EFCAB5: variants seen among roughly 807,000 people sequenced by gnomAD.
The protein encoded by EFCAB5 is EF-hand calcium-binding domain-containing protein 5.
EFCAB5 carries 131 observed loss-of-function variants against 167.9 expected under a neutral mutation model. That is an observed-to-expected ratio of 0.78 (90% confidence interval 0.68 to 0.90). EFCAB5 has a LOEUF of 0.90. EFCAB5 is among the 40% of genes least tolerant of loss of function. EFCAB5 has a pLI of 0.00. For missense variants in EFCAB5, 1,663 were observed against 1,745.2 expected (o/e 0.95, Z 0.84); for synonymous variants, 574 against 602.8 (o/e 0.95, Z 0.70).
chr17:29,939,714 C>A (rs574545829), upstream of EFCAB5, among the ~76,000 whole-genome samples: 1 of 152,316 alleles, frequency 6.6e-6, no homozygotes, highest in Admixed American at 6.5e-5. Flanking sequence ...TTTTCCTCTG[C>A]AGCTTTCTCA....
chr17:30,020,370 CT>C (rs1388454322), intron 7 of EFCAB5, among the ~76,000 whole-genome samples: 33 of 111,538 alleles, frequency 3.0e-4, no homozygotes, highest in Middle Eastern at 9.8e-3. Context: ...TTTTTTTTTT[CT>C]TTTTTTTTTT....
At chr17:29,934,966 A>C (rs1284759188) in intron 1 of EFCAB5, among the ~76,000 whole-genome samples, 1 of 152,138 alleles carries the variant, frequency 6.6e-6, no homozygotes, top group East Asian at 1.9e-4. Context: ...GAAGTATTTC[A>C]CTTAAAAGAT....
intron 8 of EFCAB5, among the ~76,000 whole-genome samples, chr17:30,042,809 A>G (rs1340870066): frequency 6.6e-6 from 1 of 152,190 alleles, no homozygotes; most frequent in Non-Finnish European, 1.5e-5. Context: ...CATTATTTTG[A>G]TATTAAATCC....
At chr17:29,992,887 A>G (rs887735057) in intron 4 of EFCAB5, among the ~76,000 whole-genome samples, 2 of 152,200 alleles carry the variant, frequency 1.3e-5, no homozygotes, top group Non-Finnish European at 2.9e-5. Flanking sequence ...CAATGGTTGT[A>G]CTAATTCACA....
At chr17:29,938,482 G>T (rs1215895134), upstream of EFCAB5, among the ~76,000 whole-genome samples, 1 of 152,120 alleles carries the variant, frequency 6.6e-6, no homozygotes, top group Non-Finnish European at 1.5e-5. Flanking sequence ...CACATTGATT[G>T]ACTCTTCCTG....
rs931998324 is a variant in EFCAB5, at chr17:29,943,639, C to A, written c.180C>A (p.Ile60=). The change falls in exon 3 of 23, where the codon ATC becomes ATA. Residue 60 remains isoleucine, a synonymous_variant. Coordinates refer to ENST00000394835, the MANE Select transcript of EFCAB5 (RefSeq NM_198529.4). Reference sequence around the variant, plus strand: ...TGGTGGAGAAAGCAATGGATGAAATCAAATCCCAAGGTAGAGAACTAGCCT... The same window carrying A: ...TGGTGGAGAAAGCAATGGATGAAATAAAATCCCAAGGTAGAGAACTAGCCT... ...NSVVEKAMDE[I]KSQELNLEGQ... is the part of the protein sequence containing the mutation. 2 of 1,575,448 alleles carry A rather than the reference C, an allele frequency of 1.3e-6. No homozygotes were observed. The highest frequency in any genetic ancestry group is 1.8e-5 in the Admixed American group (1 of 54,278).
At chr17:29,962,631 G>A (rs2067743157) in intron 3 of EFCAB5, among the ~76,000 whole-genome samples, 1 of 105,120 alleles carries the variant, frequency 9.5e-6, no homozygotes, top group African/African-American at 3.6e-5. Context: ...ACCATGCCTG[G>A]CTTTTTTTTT....
At chr17:29,967,413 C>A (rs1011885087) in intron 3 of EFCAB5, among the ~76,000 whole-genome samples, 1 of 152,144 alleles carries the variant, frequency 6.6e-6, no homozygotes, top group Admixed American at 6.5e-5. Flanking sequence ...CCTTCTGGTG[C>A]CTGATGATTA....
intron 10 of EFCAB5, among the ~76,000 whole-genome samples, chr17:30,054,350 CAGAATGTCTGTATTGTCAATTTACATATA>C (rs1394408771): frequency 6.6e-6 from 1 of 152,090 alleles, no homozygotes; most frequent in African/African-American, 2.4e-5. Context: ...AAATGCAAGC[CAGAATGTCTGTATTGTCAATTTACATATA>C]ATTTCCATTG....
intron 7 of EFCAB5, among the ~76,000 whole-genome samples, chr17:30,018,944 C>T (rs918144742): frequency 1.5e-4 from 23 of 152,278 alleles, no homozygotes; most frequent in African/African-American, 5.3e-4. Context: ...AGTCCTTGTG[C>T]TTGCATGATC....
chr17:29,981,993 C>T lies in EFCAB5; in HGVS notation c.768-11172C>T, dbSNP rs539315237. 7.9e-5 allele frequency among the ~76,000 whole-genome samples: 12 copies of T among 152,096 alleles called. No homozygotes were observed. The East Asian group carries it at 2.3e-3, about 29-fold the overall frequency. ...TAAATCATTAAATTATATCAGCATC[C>T]TCATTTATGTAGTAAGATATAAATT... On this transcript the variant is annotated intron_variant, in intron 4 of 22. Transcript: ENST00000394835.
upstream of EFCAB5, among the ~76,000 whole-genome samples, chr17:29,937,147 A>G (rs1281489612): frequency 6.6e-6 from 1 of 152,150 alleles, no homozygotes; most frequent in Non-Finnish European, 1.5e-5. Context: ...CAGGCCAAAC[A>G]GGCAAGTTAA....
At chr17:29,966,922 A>C (rs889177767) in intron 3 of EFCAB5, among the ~76,000 whole-genome samples, 1 of 151,918 alleles carries the variant, frequency 6.6e-6, no homozygotes, top group African/African-American at 2.4e-5. Context: ...TATATTTCCT[A>C]TATACAACAT....
chr17:29,992,610 T>G (rs1162271771), intron 4 of EFCAB5, among the ~76,000 whole-genome samples: 2 of 152,234 alleles, frequency 1.3e-5, no homozygotes, highest in Non-Finnish European at 1.5e-5. Flanking sequence ...CCTCCCAAAG[T>G]GCTGGGATTA....
intron 1 of EFCAB5, among the ~76,000 whole-genome samples, chr17:29,933,075 A>G (rs1361128352): frequency 6.6e-6 from 1 of 152,228 alleles, no homozygotes; most frequent in Non-Finnish European, 1.5e-5. Flanking sequence ...TGCTTTAAGA[A>G]CAAGACAAAT....
At chr17:29,947,602 C>A (rs1009044433) in intron 3 of EFCAB5, among the ~76,000 whole-genome samples, 1 of 152,096 alleles carries the variant, frequency 6.6e-6, no homozygotes, top group Non-Finnish European at 1.5e-5. Flanking sequence ...CTTTCCAACA[C>A]TTATTCTGTC....
intron 7 of EFCAB5, among the ~76,000 whole-genome samples, chr17:30,016,248 A>T (rs1053582085): frequency 1.3e-5 from 2 of 152,166 alleles, no homozygotes; most frequent in Non-Finnish European, 1.5e-5. Flanking sequence ...TTAAATTTTT[A>T]TGAAGCCCAA....
rs374387593 is a variant in EFCAB5, at chr17:30,080,835, C to T, written c.3280C>T (p.Arg1094Cys). 23 of 1,613,654 alleles carry T rather than the reference C, an allele frequency of 1.4e-5. No homozygotes were observed. The highest frequency in any genetic ancestry group is 3.3e-4 in the Middle Eastern group (2 of 6,050). ...GAACATCTTCTTCTGGAACCAGTCC[C>T]GTAATAAGCATGATTATAATGGTTC... Reference protein sequence around the residue: ...HGNIFFWNQSRNKHDYNGSFL... With the variant: ...HGNIFFWNQSCNKHDYNGSFL... The change falls in exon 17 of 23, where the codon CGT becomes TGT. Residue 1094 changes from arginine to cysteine, a missense_variant. Arg to Cys is a radical substitution (Grantham distance 180). Transcript: ENST00000394835.
chr17:29,955,041 C>T (rs2067585824), intron 3 of EFCAB5, among the ~76,000 whole-genome samples: 1 of 152,192 alleles, frequency 6.6e-6, no homozygotes, highest in Admixed American at 6.5e-5. Flanking sequence ...GCCTGTACCC[C>T]CATTGTATCT....
Sources: allele counts gnomAD v4.1 joint callset (sites outside exome capture counted in the v4.1 genomes callset), GRCh38; gene constraint gnomAD v4.1.1; transcripts MANE v1.5; gene names NCBI Gene and HGNC (gene_info 2026-07-23, HGNC 2026-07-21).